Variants in KAZN observed in about 807,000 individuals in gnomAD.
The protein encoded by KAZN is kazrin.
KAZN carries 40 observed loss-of-function variants against 87.4 expected under a neutral mutation model. The ratio of observed to expected loss-of-function variants is 0.46; its 90% CI spans 0.36 to 0.60. The LOEUF (loss-of-function observed/expected upper bound fraction) is 0.60, where lower values mean the gene tolerates loss of function less well. Among genes scored for constraint, KAZN ranks in the 20% least tolerant of loss-of-function variants. The pLI, the probability that KAZN is intolerant of heterozygous loss-of-function variation, is 0.00. For missense variants in KAZN, 898 were observed against 1,073.9 expected (o/e 0.84, Z 2.29); for synonymous variants, 466 against 458.3 (o/e 1.02, Z -0.22).
intron 2 of KAZN, among the ~76,000 whole-genome samples, chr1:14,345,153 G>T (rs1489669487): frequency 6.6e-6 from 1 of 152,000 alleles, no homozygotes; most frequent in East Asian, 1.9e-4. Flanking sequence ...TCTGACTCCA[G>T]GTGATCTGCC....
intron 1 of KAZN, among the ~76,000 whole-genome samples, chr1:13,977,444 G>A (rs1638420513): frequency 6.6e-6 from 1 of 152,170 alleles, no homozygotes. Context: ...GATAGACTAA[G>A]CCTTCCTTCT....
At chr1:14,438,421 G>A (rs1666521616) in intron 2 of KAZN, among the ~76,000 whole-genome samples, 1 of 152,194 alleles carries the variant, frequency 6.6e-6, no homozygotes, top group African/African-American at 2.4e-5. Flanking sequence ...GAAAAGAGAG[G>A]GCAGAATAAG....
At chr1:14,738,546 G>T (rs936670639) in intron 1 of KAZN, among the ~76,000 whole-genome samples, 15 of 152,112 alleles carry the variant, frequency 9.9e-5, no homozygotes, top group African/African-American at 3.6e-4. Context: ...ATTCAGGGAG[G>T]CAAAGAGGCT....
rs1026139584 is a variant in KAZN at position 14,923,126 on chromosome 1, G to C, written c.227-37558G>C. ...GCCTCAGATTATAGAGCCAAGCCTG[G>C]GCAGGGTAAGGTTGCTAGCATGCTG... On this transcript the variant is annotated intron_variant, in intron 1 of 14. Transcript: ENST00000376030. The surrounding 1 kb of genome is among the most constrained non-coding windows in gnomAD (Gnocchi z 4.2). Among the ~76,000 whole-genome samples, 1 of 152,210 alleles carries C rather than the reference G, an allele frequency of 6.6e-6. No individual in the cohort carries two copies. Among genetic ancestry groups the C allele is most frequent in the African/African-American group, 2.4e-5 (1 of 41,458 alleles).
rs996243523 is a variant in KAZN, at chr1:14,760,870, A to G, written c.226+161647A>G. On this transcript the variant is annotated intron_variant, in intron 1 of 14. Coordinates refer to ENST00000376030, the MANE Select transcript of KAZN (RefSeq NM_201628.3). ...TAGAGGGCCAGATAGTAAATACATT[A>G]CACTTTGTGGACCTTACAGTCTTTG... Among the ~76,000 whole-genome samples, 28 of 152,232 alleles carry G rather than the reference A, an allele frequency of 1.8e-4. 1 individual carries two copies. Among genetic ancestry groups the G allele is most frequent in the Non-Finnish European group, 2.5e-4 (17 of 68,048 alleles).
At chr1:14,629,219 G>A (rs1184861686) in intron 1 of KAZN, among the ~76,000 whole-genome samples, 2 of 152,160 alleles carry the variant, frequency 1.3e-5, no homozygotes, top group African/African-American at 4.8e-5. Flanking sequence ...TGGATAACGA[G>A]TAGTCCCCAA....
At chr1:14,859,811 A>G (rs1037639800) in intron 1 of KAZN, among the ~76,000 whole-genome samples, 1 of 151,986 alleles carries the variant, frequency 6.6e-6, no homozygotes, top group Admixed American at 6.6e-5. Context: ...TATTCCCACT[A>G]TTTCCCCTTA....
intron 4 of KAZN, among the ~76,000 whole-genome samples, chr1:15,048,392 C>T (rs889801022): frequency 6.6e-6 from 1 of 151,370 alleles, no homozygotes; most frequent in Non-Finnish European, 1.5e-5. Context: ...TCTGTAACCA[C>T]ACTGGCCCCA....
intron 1 of KAZN, among the ~76,000 whole-genome samples, chr1:14,104,271 C>A (rs542818393): frequency 6.6e-6 from 1 of 152,170 alleles, no homozygotes; most frequent in Non-Finnish European, 1.5e-5. Context: ...GGTCTCCTGG[C>A]GCTGGAGGAG....
chr1:14,836,783 CATTATATTCTATTTAATATATTTTAAAG>C (rs1647308161), intron 1 of KAZN, among the ~76,000 whole-genome samples: 1 of 152,120 alleles, frequency 6.6e-6, no homozygotes, highest in African/African-American at 2.4e-5. Context: ...TAAAATTTTT[CATTATATTCTATTTAATATATTTTAAAG>C]ACCTCCATCA....
At chr1:14,239,627 A>G (rs898353718) in intron 2 of KAZN, among the ~76,000 whole-genome samples, 5 of 151,164 alleles carry the variant, frequency 3.3e-5, no homozygotes, top group Non-Finnish European at 7.4e-5. Context: ...TGCCTGGCTA[A>G]TTTTGTATTT....
At chr1:14,430,930 G>A (rs139362102) in intron 2 of KAZN, among the ~76,000 whole-genome samples, 5 of 152,300 alleles carry the variant, frequency 3.3e-5, no homozygotes, top group South Asian at 2.1e-4. Context: ...CAGCTCTGTC[G>A]CCACAGCCTC....
chr1:14,458,200 T>C (rs577109732), intron 2 of KAZN, among the ~76,000 whole-genome samples: 2 of 152,378 alleles, frequency 1.3e-5, no homozygotes, highest in Non-Finnish European at 1.5e-5. Context: ...TTATTTTTTA[T>C]AAAACTGTCT....
intron 1 of KAZN, among the ~76,000 whole-genome samples, chr1:14,649,594 G>A (rs1681070993): frequency 1.3e-5 from 2 of 152,154 alleles, no homozygotes; most frequent in Non-Finnish European, 2.9e-5. Flanking sequence ...TTGCCTGCTG[G>A]TACATTTCCA....
At chr1:14,409,755 C>G (rs1664152867) in intron 2 of KAZN, among the ~76,000 whole-genome samples, 1 of 152,134 alleles carries the variant, frequency 6.6e-6, no homozygotes, top group South Asian at 2.1e-4. Context: ...TCAGAAATTA[C>G]AGCAAACTGA....
intron 2 of KAZN, among the ~76,000 whole-genome samples, chr1:14,409,542 C>A (rs910097940): frequency 6.6e-6 from 1 of 152,142 alleles, no homozygotes; most frequent in Non-Finnish European, 1.5e-5. Flanking sequence ...ACCCCAGAAG[C>A]CCCAACTTGA....
At chr1:14,084,225 A>T (rs1385496212) in intron 1 of KAZN, among the ~76,000 whole-genome samples, 1 of 152,174 alleles carries the variant, frequency 6.6e-6, no homozygotes, top group African/African-American at 2.4e-5. Context: ...AAAAGATGGA[A>T]TGTGGAAGTT....
rs943423926 is a variant in KAZN, at chr1:14,092,217, A to G, written c.92-88218A>G. Among the ~76,000 whole-genome samples the G allele has an allele frequency of 6.1e-5, 9 of 147,032 alleles. No homozygotes were observed. The South Asian group carries it at 1.7e-3, about 28-fold the overall frequency. ...GAAATTCTCCTGCCTCAGCCTCCCC[A>G]GCAGCTGGGACTACAGGCGCCCACC... On this transcript the variant is annotated intron_variant, in intron 1 of 16. Transcript: ENST00000636203.
chr1:14,406,883 T>C (rs1663895561), intron 2 of KAZN, among the ~76,000 whole-genome samples: 1 of 152,162 alleles, frequency 6.6e-6, no homozygotes, highest in Non-Finnish European at 1.5e-5. Context: ...CAGCTAATAA[T>C]AGTAGATAGC....
Sources: allele counts gnomAD v4.1 joint callset (sites outside exome capture counted in the v4.1 genomes callset), GRCh38; gene constraint gnomAD v4.1.1; non-coding constraint Gnocchi (gnomAD v3.1); transcripts MANE v1.5; gene names NCBI Gene and HGNC (gene_info 2026-07-23, HGNC 2026-07-21).